The following SDR42E1 variants were observed in gnomAD, a reference collection of about 807,000 sequenced individuals.
SDR42E1 encodes the protein short-chain dehydrogenase/reductase family 42E member 1.
A neutral mutation model predicts 2.6 loss-of-function variants in SDR42E1; 5 were observed. The observed-to-expected ratio is 1.94, with a 90% CI of 1.01 to 4.08. The LOEUF (loss-of-function observed/expected upper bound fraction) is 4.08, where lower values mean the gene tolerates loss of function less well. Ranked by LOEUF, SDR42E1 falls within the 30% of genes most tolerant of loss-of-function variation. The pLI is 0.00. For missense variants in SDR42E1, 596 were observed against 478.6 expected, an observed-to-expected ratio of 1.25 and a Z score of -2.29; for synonymous variants, 231 against 188.3, an observed-to-expected ratio of 1.23 and a Z score of -1.86.
At chr16:82,008,722 A>C (rs1035304633) in intron 1 of SDR42E1, among the ~76,000 whole-genome samples, 1 of 152,222 alleles carries the variant, frequency 6.6e-6, no homozygotes, top group Non-Finnish European at 1.5e-5. Flanking sequence ...GATACAAAAG[A>C]AAAGAAAAAC....
chr16:82,009,474 A>G (rs895007552), intron 1 of SDR42E1, among the ~76,000 whole-genome samples: 8 of 152,358 alleles, frequency 5.3e-5, no homozygotes, highest in African/African-American at 1.9e-4. Flanking sequence ...GATATGGGAC[A>G]CGGAGTCAAA....
At chr16:82,004,651 C>T (rs530383611) in intron 1 of SDR42E1, among the ~76,000 whole-genome samples, 2 of 152,296 alleles carry the variant, frequency 1.3e-5, no homozygotes, top group South Asian at 2.1e-4. Context: ...CAGGCGTGTG[C>T]CATGATGCCT....
At chr16:82,002,272 G>T (rs1294960480) in intron 1 of SDR42E1, among the ~76,000 whole-genome samples, 1 of 152,118 alleles carries the variant, frequency 6.6e-6, no homozygotes, top group Non-Finnish European at 1.5e-5. Flanking sequence ...TGGGGGACAG[G>T]AATACACAGT....
chr16:82,000,014 G>T lies in SDR42E1; in HGVS notation c.279C>A (p.Asn93Lys). ...GMSGREQLNRNLIKEVNVRGT... is the reference protein window; with the variant it reads ...GMSGREQLNRKLIKEVNVRGT... ...CCCTGACGTTGACTTCTTTGATCAG[G>T]TTTCGATTGAGTTGCTCCCGCCCTG... The change falls in exon 3 of 3, where the codon AAC (asparagine) becomes AAA (lysine). Residue 93 changes from asparagine to lysine, a missense_variant. Physicochemically the swap from Asn to Lys is moderately conservative, Grantham distance 94 (BLOSUM62 0). Coordinates refer to ENST00000328945, the MANE Select transcript of SDR42E1 (RefSeq NM_145168.3). 6.2e-7 allele frequency: 1 copy of T among 1,614,200 alleles called. No homozygotes were observed. The highest frequency in any genetic ancestry group is 1.1e-5 in the South Asian group (1 of 91,082).
intron 2 of SDR42E1, 146 bp from the exon 3 acceptor site, chr16:82,000,370 G>T (rs769309805): frequency 4.1e-6 from 4 of 969,134 alleles, no homozygotes; most frequent in South Asian, 2.7e-5. Flanking sequence ...GTTCCTTGGT[G>T]CAAGCCTCGC....
Position 81,999,502 on chromosome 16 carries a change from T to G in SDR42E1, c.791A>C (p.Glu264Ala). The G allele has an allele frequency of 1.2e-6, 2 of 1,614,028 alleles. No individual in the cohort carries two copies. The highest frequency in any genetic ancestry group is 1.7e-6 in the Non-Finnish European group (2 of 1,180,002). The part of the protein sequence containing the change: ...ISDGRPVNNF[E>A]FFRPLVEGLG... The stretch of plus-strand genomic sequence containing the variant: ...GCCCTCAACCAGAGGCCGGAAGAAC[T>G]CAAAGTTGTTCACGGGTCTGCCATC... The change falls in exon 3 of 3, where the codon GAG becomes GCG. Residue 264 changes from glutamate to alanine, a missense_variant. Transcript: ENST00000328945.
intron 1 of SDR42E1, among the ~76,000 whole-genome samples, chr16:82,010,827 C>G (rs1240125147): frequency 6.6e-6 from 1 of 152,198 alleles, no homozygotes; most frequent in African/African-American, 2.4e-5. Context: ...TCAACCTTGG[C>G]AAAATAAACT....
rs1339592917 is a variant in SDR42E1 at position 81,996,049 on chromosome 16, G to A, written c.*3062C>T. The A allele has an allele frequency of 6.6e-6, 1 of 152,248 alleles. No homozygotes were observed. Among genetic ancestry groups the A allele is most frequent in the Non-Finnish European group, 1.5e-5 (1 of 68,108 alleles). The allele number at this position is 152,248 out of a possible 1,614,324, so 9.4% of individuals were successfully genotyped here. A position where few individuals can be genotyped will look rare whatever the true frequency, so the allele number is the denominator to read the frequency against. On this transcript the variant is annotated 3_prime_UTR_variant, in exon 3 of 3. Transcript: ENST00000328945. ...CTTGGAGCCCAGGAACCTAAAAAAG[G>A]TCAGTGTAATTGGGGCAGAGAAGGC...
Position 81,993,276 on chromosome 16 carries a change from C to T in SDR42E1, c.*5835G>A, listed in dbSNP as rs1597171942. 1 of 152,166 alleles carries T rather than the reference C, an allele frequency of 6.6e-6. No individual in the cohort carries two copies. Among genetic ancestry groups the T allele is most frequent in the African/African-American group, 2.4e-5 (1 of 41,432 alleles). The allele number at this position is 152,166 out of a possible 1,614,324, so 9.4% of individuals were successfully genotyped here. A position where few individuals can be genotyped will look rare whatever the true frequency, so the allele number is the denominator to read the frequency against. ...GCCTCTCAGCATCTTGCAAGGGAGC[C>T]AGTGTTTAGTATCTGGCACCAGTGC... On this transcript the variant is annotated 3_prime_UTR_variant, in exon 3 of 3. Transcript: ENST00000328945.
chr16:82,006,664 C>G (rs1912946958), intron 1 of SDR42E1, among the ~76,000 whole-genome samples: 1 of 152,080 alleles, frequency 6.6e-6, no homozygotes. Flanking sequence ...CGTGGTGATG[C>G]ACACCTGTAA....
intron 1 of SDR42E1, among the ~76,000 whole-genome samples, chr16:82,002,629 A>C (rs538178460): frequency 6.6e-6 from 1 of 152,274 alleles, no homozygotes; most frequent in South Asian, 2.1e-4. Flanking sequence ...ACCCGATGGC[A>C]GTTTGGCCCC....
rs535345425 is a variant in SDR42E1 at position 81,988,936 on chromosome 16, A to C, written c.*10175T>G. 6.4e-4 allele frequency: 98 copies of C among 152,314 alleles called. No homozygotes were observed. The highest frequency in any genetic ancestry group is 2.2e-3 in the African/African-American group (90 of 41,560). 9.4% of individuals were successfully genotyped at this position (152,314 alleles called of 1,614,324 possible). A position where few individuals can be genotyped will look rare whatever the true frequency, so the allele number is the denominator to read the frequency against. On this transcript the variant is annotated 3_prime_UTR_variant, in exon 3 of 3. Transcript: ENST00000328945. The stretch of plus-strand genomic sequence containing the variant: ...CCCAGAATTCAGGATTTTCTACTAT[A>C]TTCTATTCTAGTACAAAATGAGATT...
intron 2 of SDR42E1, 56 bp from the exon 3 acceptor site, chr16:82,000,280 G>C: frequency 6.3e-7 from 1 of 1,593,044 alleles, no homozygotes; most frequent in Non-Finnish European, 8.5e-7. Flanking sequence ...GTGCCTAGGG[G>C]AAGTGTATAA....
intron 2 of SDR42E1, 132 bp from the exon 3 acceptor site, chr16:82,000,356 G>T: frequency 9.0e-7 from 1 of 1,105,832 alleles, no homozygotes; most frequent in Non-Finnish European, 1.4e-6. Flanking sequence ...CCCTCACTAT[G>T]CATGTTCCTT....
At chr16:82,002,912 A>G (rs1912815790) in intron 1 of SDR42E1, among the ~76,000 whole-genome samples, 2 of 152,218 alleles carry the variant, frequency 1.3e-5, no homozygotes, top group South Asian at 4.1e-4. Flanking sequence ...CACACTCCAG[A>G]GTTTAGAGAT....
intron 1 of SDR42E1, among the ~76,000 whole-genome samples, chr16:82,002,402 T>A (rs1405568353): frequency 6.6e-6 from 1 of 152,166 alleles, no homozygotes; most frequent in East Asian, 1.9e-4. Context: ...ATGCTAAAGT[T>A]TCTAAAAAGG....
Position 81,999,885 on chromosome 16 carries a change from C to G in SDR42E1, c.408G>C (p.Gly136=). The change falls in exon 3 of 3, where the codon GGG becomes GGC. Residue 136 remains glycine, a synonymous_variant. Transcript: ENST00000328945. ...VIFGGQVIRN[G]DESLPYLPLH... ...GAGGCAGGTAGGGCAGAGATTCATC[C>G]CCATTTCTGATAACTTGACCTCCAA... 6.2e-7 allele frequency: 1 copy of G among 1,614,156 alleles called. No homozygotes were observed. The highest frequency in any genetic ancestry group is 8.5e-7 in the Non-Finnish European group (1 of 1,180,032).
At chr16:82,011,277 ACCACCGTCCC>A (rs1913116812) in intron 1 of SDR42E1, 100 bp downstream of exon 1, 1 of 152,194 alleles carries the variant, frequency 6.6e-6, no homozygotes, top group East Asian at 1.9e-4. Context: ...TCAGTCATTC[ACCACCGTCCC>A]CCACCCCCGG....
In SDR42E1 at chr16:81,999,717, T is replaced by G. The variant is rs775215624; in HGVS notation, c.576A>C (p.Gly192=). The G allele has an allele frequency of 3.1e-6, 5 of 1,614,212 alleles. No homozygotes were observed. Among genetic ancestry groups the G allele is most frequent in the Non-Finnish European group, 4.2e-6 (5 of 1,180,030 alleles). The stretch of plus-strand genomic sequence containing the variant: ...CTATCCTGGGAAGGTGTCTTTGTTC[T>G]CCAGGCCCATAGATGCCAGCTGGCC... ...ALRPAGIYGP[G]EQRHLPRIVS... The change falls in exon 3 of 3, where the codon GGA becomes GGC. Residue 192 remains glycine, a synonymous_variant. Coordinates refer to ENST00000328945, the MANE Select transcript of SDR42E1 (RefSeq NM_145168.3).
Sources: gnomAD v4.1 joint callset for allele counts (sites outside exome capture counted in the v4.1 genomes callset) on GRCh38, gnomAD v4.1.1 for gene constraint, MANE v1.5 for transcripts, NCBI Gene and HGNC (gene_info 2026-07-23, HGNC 2026-07-21) for gene names.